The following PALM2AKAP2 variants were observed in gnomAD, a reference collection of about 807,000 sequenced individuals.
PALM2AKAP2 encodes the protein PALM2 and AKAP2 fusion, also known as PALM2-AKAP2 fusion protein.
Under a neutral mutation model 71.5 loss-of-function variants are expected in PALM2AKAP2, and 37 were observed. The ratio of observed to expected loss-of-function variants is 0.52; its 90% CI spans 0.40 to 0.68. PALM2AKAP2 has a LOEUF of 0.68. PALM2AKAP2 is among the 30% of genes least tolerant of loss of function. The pLI, the probability that PALM2AKAP2 is intolerant of heterozygous loss-of-function variation, is 0.00. For synonymous variants in PALM2AKAP2, 468 were observed against 478.8 expected (o/e 0.98, Z 0.29); for missense variants, 1,224 against 1,191.8 (o/e 1.03, Z -0.40).
intron 1 of PALM2AKAP2, among the ~76,000 whole-genome samples, chr9:109,864,289 CA>C (rs1238969921): frequency 6.6e-6 from 1 of 152,232 alleles, no homozygotes; most frequent in Non-Finnish European, 1.5e-5. Context: ...GACTACAGCA[CA>C]AATGGGCTCA....
intron 1 of PALM2AKAP2, among the ~76,000 whole-genome samples, chr9:109,811,021 G>A (rs1827714188): frequency 6.6e-6 from 1 of 152,144 alleles, no homozygotes; most frequent in Non-Finnish European, 1.5e-5. Context: ...GGAAATTTGA[G>A]GAGAGAAGAG....
At chr9:109,682,748 G>C (rs1188100042) in intron 1 of PALM2AKAP2, among the ~76,000 whole-genome samples, 1 of 152,210 alleles carries the variant, frequency 6.6e-6, no homozygotes, top group Non-Finnish European at 1.5e-5. Flanking sequence ...ACCAAGTGGA[G>C]AGATAACGTC....
At chr9:110,104,895 C>G (rs1835078893) in intron 1 of PALM2AKAP2, among the ~76,000 whole-genome samples, 1 of 152,196 alleles carries the variant, frequency 6.6e-6, no homozygotes, top group Non-Finnish European at 1.5e-5. Flanking sequence ...AAAATGGTAA[C>G]AGGTGTGTCA....
At chr9:109,906,290 C>T (rs1830444173) in intron 3 of PALM2AKAP2, among the ~76,000 whole-genome samples, 1 of 152,216 alleles carries the variant, frequency 6.6e-6, no homozygotes, top group Non-Finnish European at 1.5e-5. Context: ...CCTCCAACTC[C>T]TGGGTTCAAG....
chr9:109,880,450 C>T (rs1233905308), intron 2 of PALM2AKAP2, 101 bp from the exon 3 acceptor site: 30 of 1,512,376 alleles, frequency 2.0e-5, no homozygotes, highest in Non-Finnish European at 2.6e-5. Context: ...ATTCAGGCAG[C>T]GCTGGTGAGG....
intron 1 of PALM2AKAP2, among the ~76,000 whole-genome samples, chr9:110,057,055 G>A (rs139407858): frequency 4.6e-5 from 7 of 152,182 alleles, no homozygotes; most frequent in South Asian, 2.1e-4. Context: ...TTGTCCTTGC[G>A]GTTCCCAGGC....
At chr9:109,779,846 C>T (rs1476832777), upstream of PALM2AKAP2, among the ~76,000 whole-genome samples, 2 of 152,180 alleles carry the variant, frequency 1.3e-5, no homozygotes, top group African/African-American at 4.8e-5. Flanking sequence ...GTGGCCCCAG[C>T]CCCCACGTAA....
At position 109,880,486 on chromosome 9, in the gene PALM2AKAP2, A is replaced by C. The variant is rs987060227; in HGVS notation, c.127-65A>C. The C allele has an allele frequency of 2.5e-6, 4 of 1,585,208 alleles. No homozygotes were observed. The Admixed American group carries it at 6.8e-5, about 27-fold the overall frequency. ...GGTGGAGCTAAAACAGCACCACTGCAGAGGGAGAGGACAGTGTGGACTGAA... is the reference window on the plus strand; with the variant it reads ...GGTGGAGCTAAAACAGCACCACTGCCGAGGGAGAGGACAGTGTGGACTGAA... On this transcript the variant is annotated intron_variant, in intron 2 of 9. Coordinates refer to the PALM2AKAP2 transcript ENST00000302798.
chr9:110,014,708 G>A (rs1832940787), intron 6 of PALM2AKAP2, among the ~76,000 whole-genome samples: 1 of 147,862 alleles, frequency 6.8e-6, no homozygotes, highest in Non-Finnish European at 1.5e-5. Flanking sequence ...GGGAGGTGGA[G>A]GTTGCACTGA....
intron 1 of PALM2AKAP2, among the ~76,000 whole-genome samples, chr9:109,723,033 A>G (rs1434751780): frequency 6.6e-6 from 1 of 152,188 alleles, no homozygotes; most frequent in Non-Finnish European, 1.5e-5. Flanking sequence ...CGCAAAAAGC[A>G]CTGTGCCTGC....
chr9:110,136,130 C>T (rs749178187), exon 2 of PALM2AKAP2: 1 of 1,568,888 alleles, frequency 6.4e-7, no homozygotes, highest in East Asian at 2.2e-5. Context: ...ATTCCAGAAG[C>T]CTCCCCAGCT....
chr9:109,664,460 C>G (rs1827447462), intron 1 of PALM2AKAP2, among the ~76,000 whole-genome samples: 1 of 152,162 alleles, frequency 6.6e-6, no homozygotes, highest in African/African-American at 2.4e-5. Flanking sequence ...CTTGGTTTGA[C>G]TGGATATGAA....
At chr9:109,736,012 T>TGA (rs1242048041) in intron 1 of PALM2AKAP2, among the ~76,000 whole-genome samples, 1 of 152,200 alleles carries the variant, frequency 6.6e-6, no homozygotes, top group Non-Finnish European at 1.5e-5. Context: ...GCTGAGGTCA[T>TGA]GTCCCAGCAT....
In PALM2AKAP2 at chr9:110,028,947, GAA is replaced by G. The variant is rs58707028; in HGVS notation, c.582+12922_582+12923del. Among the ~76,000 whole-genome samples the G allele has an allele frequency of 2.7e-3, 306 of 113,930 alleles. 1 individual carries two copies. In the East Asian group the frequency reaches 0.033, roughly 12 times the overall value. The allele number at this position is 113,930 out of a possible 152,430, so 74.7% of individuals were successfully genotyped here. On this transcript the variant is annotated intron_variant, in intron 7 of 9. Coordinates refer to the PALM2AKAP2 transcript ENST00000302798. ...TTATTTGTGGTTTTGGGTTCTTTTT[GAA>G]AAAAAAAAAAAAAGACTTTTTTCAT...
intron 1 of PALM2AKAP2, among the ~76,000 whole-genome samples, chr9:109,691,174 TACACACACACAC>T (rs56966509): frequency 1.4e-5 from 2 of 147,458 alleles, no homozygotes; most frequent in African/African-American, 2.5e-5. Flanking sequence ...CTTTGAATTT[TACACACACACAC>T]ACACACACAC....
At chr9:109,762,825 C>T (rs891910340) in intron 1 of PALM2AKAP2, among the ~76,000 whole-genome samples, 53 of 152,348 alleles carry the variant, frequency 3.5e-4, no homozygotes, top group Admixed American at 2.9e-3. Flanking sequence ...TTCCTACCCT[C>T]CTTTTATCTC....
At chr9:109,650,244 CTT>C in intron 1 of PALM2AKAP2, among the ~76,000 whole-genome samples, 1 of 151,916 alleles carries the variant, frequency 6.6e-6, no homozygotes, top group Non-Finnish European at 1.5e-5. Flanking sequence ...GTACTCTCTC[CTT>C]ACTTAGAGAG....
intron 6 of PALM2AKAP2, among the ~76,000 whole-genome samples, chr9:109,992,506 C>T (rs926450789): frequency 6.6e-6 from 1 of 152,130 alleles, no homozygotes; most frequent in African/African-American, 2.4e-5. Flanking sequence ...TCACTGCAGC[C>T]TTCCTGGGCT....
At chr9:109,853,325 A>G (rs932502922) in intron 1 of PALM2AKAP2, among the ~76,000 whole-genome samples, 2 of 152,148 alleles carry the variant, frequency 1.3e-5, no homozygotes, top group Non-Finnish European at 2.9e-5. Context: ...CTCAAGTTAT[A>G]TTGCTAGTGA....
Sources: gnomAD v4.1 joint callset for allele counts (sites outside exome capture counted in the v4.1 genomes callset) on GRCh38, gnomAD v4.1.1 for gene constraint, MANE v1.5 for transcripts, NCBI Gene and HGNC (gene_info 2026-07-23, HGNC 2026-07-21) for gene names.